Variants in SDK2 observed in about 807,000 individuals in gnomAD.
SDK2 encodes sidekick cell adhesion molecule 2.
Under a neutral mutation model 253.9 loss-of-function variants are expected in SDK2, and 105 were observed. That is an observed-to-expected ratio of 0.41 (90% CI 0.35 to 0.49). The LOEUF (loss-of-function observed/expected upper bound fraction) is 0.49. Among genes scored for constraint, SDK2 ranks in the 20% least tolerant of loss-of-function variants. SDK2 has a pLI of 0.06. For synonymous variants in SDK2, 1,249 were observed against 1,234.9 expected (o/e 1.01, Z -0.24); for missense variants, 2,608 against 3,003.0 (o/e 0.87, Z 3.07).
In SDK2 at chr17:73,414,753, G is replaced by A. The variant is rs1289521697; in HGVS notation, c.2375C>T (p.Thr792Met). 3 of 1,611,704 alleles carry A rather than the reference G, an allele frequency of 1.9e-6. No homozygotes were observed. Among genetic ancestry groups the A allele is most frequent in the Admixed American group, 3.3e-5 (2 of 60,004 alleles). The stretch of plus-strand genomic sequence containing the variant: ...CGCGTGCACATTGCCCGGAGGGACC[G>A]TGGGAACTAGAGGAGATGAGAGAAC... ...VTEWTLQGVP[T>M]VPPGNVHAEA... is the part of the protein sequence containing the mutation. The change falls in exon 18 of 45, where the codon ACG (threonine) becomes ATG (methionine). Residue 792 changes from threonine to methionine, a missense_variant. By Grantham distance (81) the Thr-to-Met change is moderately conservative. Coordinates refer to ENST00000392650, the MANE Select transcript of SDK2 (RefSeq NM_001144952.2).
At chr17:73,453,674 G>T (rs1671186303) in intron 4 of SDK2, among the ~76,000 whole-genome samples, 1 of 152,186 alleles carries the variant, frequency 6.6e-6, no homozygotes, top group Non-Finnish European at 1.5e-5. Context: ...ACTGCACCTG[G>T]CCCACTGAGC....
intron 1 of SDK2, among the ~76,000 whole-genome samples, chr17:73,531,586 C>T (rs1217894567): frequency 1.3e-5 from 2 of 152,206 alleles, no homozygotes; most frequent in African/African-American, 2.4e-5. Flanking sequence ...CATCTCTGAT[C>T]TAGATTCCAT....
At chr17:73,478,947 G>A (rs2063704441) in intron 2 of SDK2, among the ~76,000 whole-genome samples, 1 of 152,220 alleles carries the variant, frequency 6.6e-6, no homozygotes, top group South Asian at 2.1e-4. Context: ...GCACATACAC[G>A]GAGCACACTC....
At chr17:73,484,398 G>A (rs1203773177) in intron 2 of SDK2, among the ~76,000 whole-genome samples, 10 of 152,212 alleles carry the variant, frequency 6.6e-5, no homozygotes. Context: ...GGGAGACTCA[G>A]TTGCTTCTCA....
intron 1 of SDK2, among the ~76,000 whole-genome samples, chr17:73,595,930 A>G (rs971721722): frequency 3.3e-5 from 5 of 151,672 alleles, no homozygotes; most frequent in African/African-American, 4.8e-5. Flanking sequence ...TGTGGCAGAC[A>G]TGGCTTAGGC....
At chr17:73,572,690 C>A (rs2045403975) in intron 1 of SDK2, among the ~76,000 whole-genome samples, 1 of 152,200 alleles carries the variant, frequency 6.6e-6, no homozygotes, top group African/African-American at 2.4e-5. Flanking sequence ...TAAAGATTGA[C>A]TGACTGACTG....
chr17:73,472,284 G>T, intron 2 of SDK2, 66 bp from the exon 3 acceptor site: 1 of 1,216,154 alleles, frequency 8.2e-7, no homozygotes, highest in Non-Finnish European at 1.2e-6. Context: ...GGTCAGATTG[G>T]GCTCAGAGGT....
Position 73,401,181 on chromosome 17 carries a change from C to T in SDK2, c.2810G>A (p.Arg937Gln), listed in dbSNP as rs144141099. The change falls in exon 21 of 45, where the codon CGA (arginine) becomes CAA (glutamine). Residue 937 changes from arginine to glutamine, a missense_variant. Arg to Gln is a conservative substitution (Grantham distance 43). Transcript: ENST00000392650. ...GTAGTGGGTCACACGGGTGTTGGTT[C>T]GATTGTACTCCTCCCAGGAGATCCG... ...GYRISWEEYN[R>Q]TNTRVTHYLP... The T allele has an allele frequency of 1.7e-4, 268 of 1,555,080 alleles. No individual in the cohort carries two copies. The African/African-American group carries it at 3.3e-3, about 19-fold the overall frequency.
intron 2 of SDK2, among the ~76,000 whole-genome samples, chr17:73,503,186 C>A (rs1382438402): frequency 2.0e-5 from 3 of 152,160 alleles, no homozygotes; most frequent in Non-Finnish European, 4.4e-5. Flanking sequence ...ACACGTGATC[C>A]CCGATTAGGT....
chr17:73,395,255 GTCC>G lies in SDK2; in HGVS notation c.3489_3491del (p.Glu1163del). 1 of 1,613,806 alleles carries G rather than the reference GTCC, an allele frequency of 6.2e-7. No individual in the cohort carries two copies. Among genetic ancestry groups the G allele is most frequent in the Non-Finnish European group, 8.5e-7 (1 of 1,179,848 alleles). On this transcript the variant is annotated inframe_deletion, in exon 25 of 45. Coordinates refer to ENST00000392650, the MANE Select transcript of SDK2 (RefSeq NM_001144952.2). The surrounding 1 kb of genome is among the most constrained non-coding windows in gnomAD (Gnocchi z 4.3). ...CGCGGTACTCTGTCCACTCCTCCAG[GTCC>G]TCGATGGTGTAGTCCCGCTCCACAC...
In SDK2 at chr17:73,577,494, G is replaced by C. The variant is rs558277546; in HGVS notation, c.64+66531C>G. On this transcript the variant is annotated intron_variant, in intron 1 of 44. Coordinates refer to ENST00000392650, the MANE Select transcript of SDK2 (RefSeq NM_001144952.2). ...AGGGTCCCCAGCTGGTGTGGAGAGT[G>C]GAGGGCAATAGTTCTACCCTTCAGG... Among the ~76,000 whole-genome samples, 23 of 152,322 alleles carry C rather than the reference G, an allele frequency of 1.5e-4. No individual in the cohort carries two copies. The East Asian group carries it at 3.7e-3, about 24-fold the overall frequency.
chr17:73,406,590 C>T (rs535512264), intron 18 of SDK2, among the ~76,000 whole-genome samples: 2 of 152,132 alleles, frequency 1.3e-5, no homozygotes, highest in East Asian at 1.9e-4. Flanking sequence ...AAAAACCAAA[C>T]CAAGAAAACA....
chr17:73,451,301 G>T (rs975741927), intron 4 of SDK2, among the ~76,000 whole-genome samples: 1 of 152,180 alleles, frequency 6.6e-6, no homozygotes, highest in African/African-American at 2.4e-5. Context: ...GAGGTCAAGA[G>T]TTCAAGACCA....
At chr17:73,399,340 C>T in intron 21 of SDK2, 51 bp from the exon 22 acceptor site, 1 of 1,607,120 alleles carries the variant, frequency 6.2e-7, no homozygotes, top group Non-Finnish European at 8.5e-7. Flanking sequence ...AATGGCCCCC[C>T]ATGTTGAACG....
At position 73,361,628 on chromosome 17, in the gene SDK2, G is replaced by C; in HGVS notation, c.5467+56C>G. 2 of 1,571,040 alleles carry C rather than the reference G, an allele frequency of 1.3e-6. No individual in the cohort carries two copies. The highest frequency in any genetic ancestry group is 2.3e-5 in the South Asian group (2 of 87,064). On this transcript the variant is annotated intron_variant, in intron 39 of 44. Coordinates refer to ENST00000392650, the MANE Select transcript of SDK2 (RefSeq NM_001144952.2). This position sits in a 1 kb window ranked among gnomAD's most constrained non-coding sequence, Gnocchi z 4.1. ...GCTCTTGACACCGGGGGCCCCTTCT[G>C]ACTGGGGACGCTGAACCGCCGTGTG... is the stretch of plus-strand genomic sequence containing the variant.
chr17:73,459,781 G>C (rs1020061522), intron 3 of SDK2, among the ~76,000 whole-genome samples: 4 of 151,454 alleles, frequency 2.6e-5, no homozygotes, highest in Non-Finnish European at 5.9e-5. Context: ...CTCTCACCTC[G>C]GTCTCCCAAA....
At chr17:73,533,343 G>C (rs985505827) in intron 1 of SDK2, among the ~76,000 whole-genome samples, 2 of 152,260 alleles carry the variant, frequency 1.3e-5, no homozygotes, top group Admixed American at 1.3e-4. Flanking sequence ...TTCAGAGGCA[G>C]GCTGCCGAGC....
intron 2 of SDK2, among the ~76,000 whole-genome samples, chr17:73,506,832 A>G (rs902039928): frequency 6.6e-6 from 1 of 152,230 alleles, no homozygotes; most frequent in Non-Finnish European, 1.5e-5. Context: ...CTGAGACCCT[A>G]TTCTCTTTCC....
rs190277130 is a variant in SDK2, at chr17:73,379,325, C to A, written c.4865-33G>T. On this transcript the variant is annotated intron_variant, in intron 35 of 44. Coordinates refer to ENST00000392650, the MANE Select transcript of SDK2 (RefSeq NM_001144952.2). The surrounding 1 kb of genome is among the most constrained non-coding windows in gnomAD (Gnocchi z 4.5). ...GCGTGCAGGGTAGGCAGTGAGCATGCGAGTAAACCTGGGAGGGGAGGTGGG... is the reference window on the plus strand; with the variant it reads ...GCGTGCAGGGTAGGCAGTGAGCATGAGAGTAAACCTGGGAGGGGAGGTGGG... The A allele has an allele frequency of 5.6e-6, 8 of 1,426,354 alleles. No individual in the cohort carries two copies. The East Asian group carries it at 7.6e-5, about 14-fold the overall frequency. The allele number at this position is 1,426,354 out of a possible 1,614,324, so 88.4% of individuals were successfully genotyped here.
Sources: allele counts gnomAD v4.1 joint callset (sites outside exome capture counted in the v4.1 genomes callset), GRCh38; gene constraint gnomAD v4.1.1; non-coding constraint Gnocchi (gnomAD v3.1); transcripts MANE v1.5; gene names NCBI Gene and HGNC (gene_info 2026-07-23, HGNC 2026-07-21).